The following NHSL1 variants were observed in gnomAD, a reference collection of about 807,000 sequenced individuals.
The protein encoded by NHSL1 is NHS like 1.
Under a neutral mutation model 95.0 loss-of-function variants are expected in NHSL1, and 48 were observed. The observed-to-expected ratio is 0.51, with a 90% confidence interval of 0.40 to 0.64. NHSL1 has a LOEUF of 0.64. Ranked by LOEUF, NHSL1 falls within the 30% of genes least tolerant of loss-of-function variation. NHSL1 has a pLI of 0.00. For missense variants in NHSL1, 1,971 were observed against 2,077.7 expected (o/e 0.95, Z 1.00); for synonymous variants, 783 against 833.9 (o/e 0.94, Z 1.05).
At chr6:138,595,649 C>G (rs1244912623) in intron 1 of NHSL1, among the ~76,000 whole-genome samples, 1 of 152,130 alleles carries the variant, frequency 6.6e-6, no homozygotes, top group African/African-American at 2.4e-5. Context: ...ATAGGGTAAC[C>G]TGGAATCAAT....
intron 1 of NHSL1, among the ~76,000 whole-genome samples, chr6:138,667,861 C>T (rs1785314536): frequency 6.6e-6 from 1 of 152,120 alleles, no homozygotes. Flanking sequence ...CTGTTATGTA[C>T]CAACTGCTAA....
intron 1 of NHSL1, among the ~76,000 whole-genome samples, chr6:138,680,002 T>G (rs770746414): frequency 6.7e-4 from 102 of 152,196 alleles, no homozygotes; most frequent in Non-Finnish European, 1.2e-3. Flanking sequence ...TTTTCTTCAT[T>G]ATATTTTCTG....
chr6:138,437,441 CACACAAAAAA>C (rs1174225024), intron 5 of NHSL1, among the ~76,000 whole-genome samples: 1 of 35,480 alleles, frequency 2.8e-5, no homozygotes, highest in African/African-American at 1.1e-4. Context: ...CACACACACA[CACACAAAAAA>C]AAAAAAAAAA....
intron 1 of NHSL1, among the ~76,000 whole-genome samples, chr6:138,637,952 C>A (rs112810965): frequency 0.014 from 2,174 of 152,166 alleles, 33 homozygotes; most frequent in East Asian, 0.074. Flanking sequence ...TCCATAGTAG[C>A]CAAGATTTGG....
chr6:138,482,806 T>C (rs1366491819), intron 2 of NHSL1, among the ~76,000 whole-genome samples: 3 of 152,122 alleles, frequency 2.0e-5, no homozygotes, highest in Non-Finnish European at 4.4e-5. Flanking sequence ...TTGTAAAGGG[T>C]AGTGGGACTA....
chr6:138,465,054 CAAAAAAA>C (rs35195031), intron 3 of NHSL1, among the ~76,000 whole-genome samples: 2 of 100,982 alleles, frequency 2.0e-5, no homozygotes, highest in Admixed American at 9.4e-5. Context: ...TGTATGCCTT[CAAAAAAA>C]AAAAAAAAAA....
chr6:138,451,406 T>C (rs1268777589), intron 3 of NHSL1, among the ~76,000 whole-genome samples: 2 of 152,124 alleles, frequency 1.3e-5, no homozygotes, highest in Admixed American at 1.3e-4. Context: ...TTCTAATATT[T>C]TGTATCCCCT....
chr6:138,547,518 T>C (rs4243455), upstream of NHSL1, among the ~76,000 whole-genome samples: 83,104 of 151,970 alleles, frequency 0.55, 24,638 homozygotes, highest in African/African-American at 0.78. Flanking sequence ...GTAGCTGGGA[T>C]TACAGGCGCC....
intron 2 of NHSL1, among the ~76,000 whole-genome samples, chr6:138,488,776 T>C (rs1779866793): frequency 6.6e-6 from 1 of 152,130 alleles, no homozygotes; most frequent in Non-Finnish European, 1.5e-5. Context: ...TGAACTTCCA[T>C]AAAGTGGAGG....
At chr6:138,631,932 T>C (rs1223016923) in intron 1 of NHSL1, among the ~76,000 whole-genome samples, 1 of 152,112 alleles carries the variant, frequency 6.6e-6, no homozygotes, top group African/African-American at 2.4e-5. Context: ...TCCCCGATTC[T>C]AGAACTTGGC....
chr6:138,620,273 A>G (rs895478942), intron 1 of NHSL1, among the ~76,000 whole-genome samples: 20 of 152,204 alleles, frequency 1.3e-4, no homozygotes, highest in African/African-American at 3.6e-4. Context: ...ATGGTCTGAA[A>G]CAATTTGTCA....
chr6:138,496,254 C>T lies in NHSL1; in HGVS notation c.176G>A (p.Arg59His), dbSNP rs748417088. 4.7e-5 allele frequency: 73 copies of T among 1,550,672 alleles called. No homozygotes were observed. The highest frequency in any genetic ancestry group is 1.1e-4 in the South Asian group (9 of 83,956). ...TGATTTGAGGTTGAGCTTGGCTTGG[C>T]GGTGCAGGTCCTCAACACAGGGGGG... ...TRPPCVEDLH[R>H]QAKLNLKSVL... Residue 59 changes from arginine (R) to histidine (H), a missense_variant, in exon 2 of 8, where the codon CGC (arginine) becomes CAC (histidine). Transcript: ENST00000343505.
intron 1 of NHSL1, among the ~76,000 whole-genome samples, chr6:138,563,326 T>G (rs901844483): frequency 3.9e-5 from 6 of 152,228 alleles, no homozygotes; most frequent in African/African-American, 1.2e-4. Context: ...GACTTTCAAT[T>G]TAGTATTTTA....
chr6:138,564,558 A>G (rs1783534795), intron 1 of NHSL1, among the ~76,000 whole-genome samples: 3 of 152,038 alleles, frequency 2.0e-5, no homozygotes, highest in Admixed American at 2.0e-4. Context: ...TGCTTAGCAC[A>G]TTAGCCTGTG....
rs567589805 is a variant in NHSL1, at chr6:138,466,471, C to T, written c.339+6835G>A. Among the ~76,000 whole-genome samples, 173 of 152,278 alleles carry T rather than the reference C, an allele frequency of 1.1e-3. 5 individuals are homozygous for T. In the South Asian group the frequency reaches 0.034, roughly 30 times the overall value. ...TCCAGAAATGCTCATTCTTTCAATC[C>T]CAATCACCTCTATGCTGAGTAAGGC... On this transcript the variant is annotated intron_variant, in intron 3 of 7. Coordinates refer to ENST00000343505, the MANE Select transcript of NHSL1 (RefSeq NM_001144060.2).
intron 1 of NHSL1, among the ~76,000 whole-genome samples, chr6:138,524,049 G>C (rs1781801020): frequency 6.6e-6 from 1 of 152,162 alleles, no homozygotes; most frequent in African/African-American, 2.4e-5. Context: ...TGAGTAGGAA[G>C]CTAAGTAATT....
At chr6:138,662,864 C>A (rs1785243990) in intron 1 of NHSL1, among the ~76,000 whole-genome samples, 1 of 151,746 alleles carries the variant, frequency 6.6e-6, no homozygotes, top group East Asian at 1.9e-4. Context: ...CACACTTCAA[C>A]TTTCATACAC....
At chr6:138,467,693 G>C (rs1161283300) in intron 3 of NHSL1, among the ~76,000 whole-genome samples, 7 of 152,072 alleles carry the variant, frequency 4.6e-5, no homozygotes, top group African/African-American at 1.7e-4. Context: ...ATGTGTGCTT[G>C]TGTCTTAGTG....
chr6:138,440,890 G>C (rs1776485501), intron 5 of NHSL1, among the ~76,000 whole-genome samples: 1 of 152,146 alleles, frequency 6.6e-6, no homozygotes, highest in Admixed American at 6.5e-5. Context: ...TAACTTTTGA[G>C]AGTAAATAAA....
Sources: gnomAD v4.1 joint callset for allele counts (sites outside exome capture counted in the v4.1 genomes callset) on GRCh38, gnomAD v4.1.1 for gene constraint, MANE v1.5 for transcripts, NCBI Gene and HGNC (gene_info 2026-07-23, HGNC 2026-07-21) for gene names.